GRIK4: variants seen among roughly 807,000 people sequenced by gnomAD.
GRIK4 encodes the protein glutamate ionotropic receptor kainate type subunit 4, also known as glutamate receptor ionotropic, kainate 4.
Under a neutral mutation model 104.9 loss-of-function variants are expected in GRIK4, and 40 were observed. That is an observed-to-expected ratio of 0.38 (90% CI 0.30 to 0.50). GRIK4 has a LOEUF of 0.50. Ranked by LOEUF, GRIK4 falls within the 20% of genes least tolerant of loss-of-function variation. The pLI, the probability that GRIK4 is intolerant of heterozygous loss-of-function variation, is 0.93. For missense variants in GRIK4, 1,047 were observed against 1,308.1 expected (o/e 0.80, Z 3.08); for synonymous variants, 485 against 524.9 (o/e 0.92, Z 1.04).
chr11:120,910,924 C>T (rs917274579), intron 13 of GRIK4, among the ~76,000 whole-genome samples: 2 of 152,112 alleles, frequency 1.3e-5, no homozygotes, highest in East Asian at 1.9e-4. Context: ...AGAAGAGACA[C>T]GGAGAGAGAA....
At chr11:120,741,276 T>C (rs1368180531) in intron 3 of GRIK4, among the ~76,000 whole-genome samples, 1 of 95,144 alleles carries the variant, frequency 1.1e-5, no homozygotes, top group Non-Finnish European at 2.4e-5. Flanking sequence ...GTGTGCTTTC[T>C]TTTTTTTTTT....
In GRIK4 at chr11:120,831,983, A is replaced by G. The variant is rs1458250176; in HGVS notation, c.643A>G (p.Ile215Val). The change falls in exon 7 of 21, where the codon ATC (isoleucine) becomes GTC (valine). Residue 215 changes from isoleucine (I) to valine (V), a missense_variant. Around this residue, in one of 3 missense-constraint regions of GRIK4, gnomAD observed 447 missense variants for 514.9 expected, o/e 0.87. Transcript: ENST00000527524. ...KEIRDDKTAT[I>V]IIHANASMSH... Reference sequence around the variant, plus strand: ...GATCCGGGACGACAAGACCGCCACCATCATCATCCACGCCAACGCCTCCAT... The same window carrying G: ...GATCCGGGACGACAAGACCGCCACCGTCATCATCCACGCCAACGCCTCCAT... 5 of 1,613,550 alleles carry G rather than the reference A, an allele frequency of 3.1e-6. No homozygotes were observed. The South Asian group carries it at 4.4e-5, about 14-fold the overall frequency.
chr11:120,807,805 A>G (rs898894476), intron 4 of GRIK4, among the ~76,000 whole-genome samples: 5 of 152,224 alleles, frequency 3.3e-5, no homozygotes, highest in African/African-American at 1.2e-4. Flanking sequence ...CTTAGAAATC[A>G]TCTGGTCCAA....
chr11:120,742,061 A>G (rs1951342159), intron 3 of GRIK4, among the ~76,000 whole-genome samples: 1 of 152,088 alleles, frequency 6.6e-6, no homozygotes, highest in Non-Finnish European at 1.5e-5. Context: ...AAACAACCCC[A>G]TAGTCCGGGC....
rs1296474316 is a variant in GRIK4, at chr11:120,952,405, AC to A, written c.1591-447del. On this transcript the variant is annotated intron_variant, in intron 14 of 20. Transcript: ENST00000527524. This position sits in a 1 kb window ranked among gnomAD's most constrained non-coding sequence, Gnocchi z 5.2. Reference sequence around the variant, plus strand: ...TGTGTGAGATCACCCTGCAAACAAAACCCAGAGACTCCGGTTGTATTAGCAT... The same window carrying A: ...TGTGTGAGATCACCCTGCAAACAAAACCAGAGACTCCGGTTGTATTAGCAT... Among the ~76,000 whole-genome samples the A allele has an allele frequency of 6.6e-6, 1 of 152,002 alleles. No individual in the cohort carries two copies. Among genetic ancestry groups the A allele is most frequent in the Non-Finnish European group, 1.5e-5 (1 of 67,994 alleles).
intron 9 of GRIK4, chr11:120,870,362 C>A (rs117228180): frequency 0.015 from 2,298 of 152,324 alleles, 28 homozygotes; most frequent in Middle Eastern, 0.058. Context: ...TGAGGACAAA[C>A]AACCAGTCTT....
chr11:120,631,752 A>C (rs1042907598), intron 1 of GRIK4, among the ~76,000 whole-genome samples: 4 of 152,152 alleles, frequency 2.6e-5, no homozygotes, highest in Non-Finnish European at 4.4e-5. Context: ...TTGTCTCTCC[A>C]ATTATGCTGA....
chr11:120,570,549 G>A (rs763036098), intron 1 of GRIK4, among the ~76,000 whole-genome samples: 3 of 152,114 alleles, frequency 2.0e-5, no homozygotes, highest in Non-Finnish European at 4.4e-5. Flanking sequence ...AACCTCCTGG[G>A]CTCAAGGGAT....
At chr11:120,841,205 C>T (rs946079268) in intron 8 of GRIK4, among the ~76,000 whole-genome samples, 1 of 152,078 alleles carries the variant, frequency 6.6e-6, no homozygotes, top group African/African-American at 2.4e-5. Context: ...CAATACCATC[C>T]ACCTCCAGAA....
intron 7 of GRIK4, among the ~76,000 whole-genome samples, chr11:120,833,289 C>G (rs1338642383): frequency 1.5e-5 from 1 of 66,554 alleles, no homozygotes; most frequent in Non-Finnish European, 3.0e-5. Context: ...CTCTTTCTCT[C>G]TGACACACAC....
At chr11:120,583,582 G>A (rs1311887826) in intron 1 of GRIK4, among the ~76,000 whole-genome samples, 2 of 151,824 alleles carry the variant, frequency 1.3e-5, no homozygotes, top group African/African-American at 2.4e-5. Context: ...TTTCTGTTTT[G>A]TGTACCAGTA....
chr11:120,565,888 G>T (rs1422359671), intron 1 of GRIK4, among the ~76,000 whole-genome samples: 1 of 152,224 alleles, frequency 6.6e-6, no homozygotes, highest in Non-Finnish European at 1.5e-5. Flanking sequence ...AGCAAGACAG[G>T]AAATCTAGGA....
rs148856918 is a variant in GRIK4 at position 120,638,801 on chromosome 11, G to A, written c.-158-14884G>A. 2.7e-3 allele frequency among the ~76,000 whole-genome samples: 413 copies of A among 152,020 alleles called. 3 individuals are homozygous for A. The highest frequency in any genetic ancestry group is 9.4e-3 in the African/African-American group (388 of 41,478). On this transcript the variant is annotated intron_variant, in intron 1 of 20. Transcript: ENST00000527524. ...CCAGTGATATCTTCTAAAGCGGCAC[G>A]GTGAGCAAGGGCCTGCCTTTTTCAG...
At chr11:120,636,866 T>A (rs1949403146) in intron 1 of GRIK4, among the ~76,000 whole-genome samples, 1 of 151,744 alleles carries the variant, frequency 6.6e-6, no homozygotes, top group Admixed American at 6.6e-5. Context: ...AAGGAAGAGT[T>A]CTACTCTCTG....
At chr11:120,866,265 C>T (rs947013399) in intron 9 of GRIK4, among the ~76,000 whole-genome samples, 8 of 152,222 alleles carry the variant, frequency 5.3e-5, no homozygotes, top group East Asian at 1.9e-4. Context: ...GGTGACTCCT[C>T]GGCATATGTT....
intron 6 of GRIK4, among the ~76,000 whole-genome samples, chr11:120,830,015 A>G (rs1237789300): frequency 2.6e-5 from 4 of 152,094 alleles, no homozygotes; most frequent in Non-Finnish European, 5.9e-5. Flanking sequence ...AAGCATCTTA[A>G]TAAATAACAG....
At chr11:120,930,006 G>C (rs1046222268) in intron 13 of GRIK4, among the ~76,000 whole-genome samples, 5 of 152,114 alleles carry the variant, frequency 3.3e-5, no homozygotes, top group South Asian at 2.1e-4. Flanking sequence ...CACGTTTGGG[G>C]GGGGGGTCCC....
chr11:120,769,329 A>G (rs924488211), intron 3 of GRIK4, among the ~76,000 whole-genome samples: 1 of 152,046 alleles, frequency 6.6e-6, no homozygotes, highest in Non-Finnish European at 1.5e-5. Context: ...TTGAAAAATA[A>G]TTGTTCAAAT....
At chr11:120,715,642 G>A (rs889421973) in intron 3 of GRIK4, among the ~76,000 whole-genome samples, 1 of 152,022 alleles carries the variant, frequency 6.6e-6, no homozygotes, top group Non-Finnish European at 1.5e-5. Context: ...TATGGAGAAC[G>A]ACATTTGCAA....
Sources: allele counts gnomAD v4.1 joint callset (sites outside exome capture counted in the v4.1 genomes callset), GRCh38; gene constraint gnomAD v4.1.1; regional missense constraint gnomAD v4.1.1; non-coding constraint Gnocchi (gnomAD v3.1); transcripts MANE v1.5; gene names NCBI Gene and HGNC (gene_info 2026-07-23, HGNC 2026-07-21).